The following ZNF599 variants were observed in gnomAD, a reference collection of about 807,000 sequenced individuals.
ZNF599 encodes zinc finger protein 599.
A neutral mutation model predicts 11.7 loss-of-function variants in ZNF599; 10 were observed. That is an observed-to-expected ratio of 0.86 (90% CI 0.53 to 1.45). ZNF599 has a LOEUF of 1.45. ZNF599 is among the 40% of genes most tolerant of loss of function. The probability of loss-of-function intolerance (pLI) is 0.00; values close to 1 mark genes in which losing one functional copy is unlikely to be tolerated. For synonymous variants in ZNF599, 232 were observed against 253.2 expected (o/e 0.92, Z 0.79); for missense variants, 688 against 713.6 (o/e 0.96, Z 0.41).
At chr19:34,805,348 C>T in the ZNF599 span, among the ~76,000 whole-genome samples, 27 of 152,216 alleles carry the variant, frequency 1.8e-4, no homozygotes, top group Admixed American at 1.4e-3. Flanking sequence ...CAGGCACGTG[C>T]CACCACGCCC....
upstream of ZNF599, among the ~76,000 whole-genome samples, chr19:34,777,499 A>G (rs1249887178): frequency 1.4e-4 from 15 of 110,224 alleles, no homozygotes; most frequent in South Asian, 3.3e-3. Context: ...TATGATATAT[A>G]TTAATATATT....
intron 2 of ZNF599, among the ~76,000 whole-genome samples, chr19:34,768,318 G>A (rs1421916818): frequency 6.6e-6 from 1 of 152,188 alleles, no homozygotes; most frequent in Non-Finnish European, 1.5e-5. Context: ...CTGGAATGCT[G>A]TTCCCCATAC....
the ZNF599 span, among the ~76,000 whole-genome samples, chr19:34,794,456 T>C: frequency 6.6e-6 from 1 of 152,216 alleles, no homozygotes; most frequent in African/African-American, 2.4e-5. Context: ...CATCCTGTTT[T>C]GCTTAGATAC....
At chr19:34,799,452 T>G in the ZNF599 span, among the ~76,000 whole-genome samples, 54,846 of 152,020 alleles carry the variant, frequency 0.36, 10,457 homozygotes, top group East Asian at 0.47. Context: ...TTTTGTTTCC[T>G]TTTTATCCAT....
At chr19:34,771,202 G>A (rs955417668) in intron 1 of ZNF599, among the ~76,000 whole-genome samples, 2 of 152,124 alleles carry the variant, frequency 1.3e-5, no homozygotes, top group Non-Finnish European at 2.9e-5. Flanking sequence ...AGTGAGCTGC[G>A]ATGGGGCCAC....
In ZNF599 at chr19:34,758,374, A is replaced by G. The variant is rs2069084975; in HGVS notation, c.*660T>C. 6.6e-6 allele frequency: 1 copy of G among 152,248 alleles called. No homozygotes were observed. The highest frequency in any genetic ancestry group is 2.1e-4 in the South Asian group (1 of 4,826). The allele number at this position is 152,248 out of a possible 1,614,324, so 9.4% of individuals were successfully genotyped here. A position where few individuals can be genotyped will look rare whatever the true frequency, so the allele number is the denominator to read the frequency against. ...CATGTGCACATGTGTTAAGTATTTCATGACTCAAGCCTTTATATTTCTCAC... is the reference window on the plus strand; with the variant it reads ...CATGTGCACATGTGTTAAGTATTTCGTGACTCAAGCCTTTATATTTCTCAC... On this transcript the variant is annotated 3_prime_UTR_variant, in exon 4 of 4. Coordinates refer to ENST00000329285, the MANE Select transcript of ZNF599 (RefSeq NM_001007248.3).
the ZNF599 span, among the ~76,000 whole-genome samples, chr19:34,801,165 G>C: frequency 6.6e-6 from 1 of 152,140 alleles, no homozygotes; most frequent in Admixed American, 6.5e-5. Context: ...GGTCTCTCTG[G>C]TCCATGGTTT....
chr19:34,772,395 G>T, intron 1 of ZNF599: 2 of 1,008,026 alleles, frequency 2.0e-6, no homozygotes. Context: ...GACTTCCGCT[G>T]GAATGATCCC....
chr19:34,787,219 TATCATCATCATCATCATC>T, the ZNF599 span, among the ~76,000 whole-genome samples: 43 of 148,646 alleles, frequency 2.9e-4, no homozygotes, highest in African/African-American at 6.7e-4. Context: ...CGGCTATTTT[TATCATCATCATCATCATC>T]ATCATCATCA....
rs375544091 is a variant in ZNF599, at chr19:34,760,177, A to T, written c.624T>A (p.Phe208Leu). 5.0e-6 allele frequency: 8 copies of T among 1,614,056 alleles called. No homozygotes were observed. ...GCCGAACAAGGGCCCACTTCTTGCT[A>T]AACCCTTTCCCACATTCCGTGCATG... ...PYTCTECGKG[F>L]SKKWALVRHQ... Residue 208 changes from phenylalanine to leucine, a missense_variant, in exon 4 of 4, where the codon TTT (phenylalanine) becomes TTA (leucine). By Grantham distance (22) the Phe-to-Leu change is conservative. Coordinates refer to ENST00000329285, the MANE Select transcript of ZNF599 (RefSeq NM_001007248.3).
chr19:34,789,499 C>T, the ZNF599 span, among the ~76,000 whole-genome samples: 1 of 152,212 alleles, frequency 6.6e-6, no homozygotes, highest in African/African-American at 2.4e-5. Context: ...CTCTTATCCA[C>T]CTCCTCGCCA....
At chr19:34,776,464 TG>T (rs1221240387), upstream of ZNF599, among the ~76,000 whole-genome samples, 1 of 152,220 alleles carries the variant, frequency 6.6e-6, no homozygotes, top group East Asian at 1.9e-4. Context: ...ATTTTAAACA[TG>T]GGCTTGCGAT....
intron 3 of ZNF599, chr19:34,767,043 A>C: frequency 2.7e-6 from 1 of 367,058 alleles, no homozygotes; most frequent in Non-Finnish European, 4.9e-6. Flanking sequence ...TTATATACCA[A>C]AGGCACAGTG....
the ZNF599 span, chr19:34,779,689 T>A: frequency 6.4e-6 from 2 of 314,080 alleles, no homozygotes; most frequent in Non-Finnish European, 1.2e-5. Flanking sequence ...TCACTTGCTG[T>A]TGAAAGGGTT....
the ZNF599 span, among the ~76,000 whole-genome samples, chr19:34,802,370 C>T: frequency 6.6e-5 from 10 of 152,144 alleles, no homozygotes; most frequent in South Asian, 1.7e-3. Flanking sequence ...CCTCCTCTGC[C>T]AATGGTTTTT....
chr19:34,781,744 C>T, the ZNF599 span, among the ~76,000 whole-genome samples: 1 of 152,204 alleles, frequency 6.6e-6, no homozygotes, highest in Non-Finnish European at 1.5e-5. Context: ...GCTGGTAAAA[C>T]ATGAGCCCTA....
the ZNF599 span, among the ~76,000 whole-genome samples, chr19:34,797,917 C>T: frequency 6.6e-6 from 1 of 152,086 alleles, no homozygotes; most frequent in Admixed American, 6.6e-5. Context: ...GTGTTTATAG[C>T]CCTATCTTAT....
chr19:34,785,664 G>A, the ZNF599 span, among the ~76,000 whole-genome samples: 2 of 152,170 alleles, frequency 1.3e-5, no homozygotes, highest in Non-Finnish European at 2.9e-5. Context: ...CCACTTACCT[G>A]CACTGGATCC....
In ZNF599 at chr19:34,760,197, T is replaced by G; in HGVS notation, c.604A>C (p.Thr202Pro). 7 of 1,614,168 alleles carry G rather than the reference T, an allele frequency of 4.3e-6. No homozygotes were observed. Among genetic ancestry groups the G allele is most frequent in the South Asian group, 1.1e-5 (1 of 91,082 alleles). The change falls in exon 4 of 4, where the codon ACG (threonine) becomes CCG (proline). Residue 202 changes from threonine (T) to proline (P), a missense_variant. Physicochemically the swap from Thr to Pro is conservative, Grantham distance 38. Coordinates refer to ENST00000329285, the MANE Select transcript of ZNF599 (RefSeq NM_001007248.3). ...TDARNNPYTCTECGKGFSKKW... is the reference protein window; with the variant it reads ...TDARNNPYTCPECGKGFSKKW... The stretch of plus-strand genomic sequence containing the variant: ...TTGCTAAACCCTTTCCCACATTCCG[T>G]GCATGTGTAAGGGTTATTCCTTGCA...
Sources: gnomAD v4.1 joint callset for allele counts (sites outside exome capture counted in the v4.1 genomes callset) on GRCh38, gnomAD v4.1.1 for gene constraint, MANE v1.5 for transcripts, NCBI Gene and HGNC (gene_info 2026-07-23, HGNC 2026-07-21) for gene names.